The following DCDC1 variants were observed in gnomAD, a reference collection of about 807,000 sequenced individuals.
DCDC1 encodes the protein doublecortin domain-containing protein 1.
Under a neutral mutation model 178.3 loss-of-function variants are expected in DCDC1, and 200 were observed. That is an observed-to-expected ratio of 1.12 (90% CI 1.00 to 1.26). The LOEUF (loss-of-function observed/expected upper bound fraction) is 1.26. Ranked by LOEUF, DCDC1 falls within the 50% of genes most tolerant of loss-of-function variation. DCDC1 has a pLI of 0.00. For synonymous variants in DCDC1, 690 were observed against 604.8 expected, an observed-to-expected ratio of 1.14 and a Z score of -2.07; for missense variants, 1,983 against 1,749.2, an observed-to-expected ratio of 1.13 and a Z score of -2.38.
At chr11:31,251,007 C>G (rs1373533479) in intron 8 of DCDC1, among the ~76,000 whole-genome samples, 1 of 152,138 alleles carries the variant, frequency 6.6e-6, no homozygotes, top group Non-Finnish European at 1.5e-5. Flanking sequence ...TCCACCTCAG[C>G]CTCCCAAAGT....
chr11:31,362,331 G>A (rs1951749637), intron 1 of DCDC1, among the ~76,000 whole-genome samples: 1 of 151,970 alleles, frequency 6.6e-6, no homozygotes, highest in African/African-American at 2.4e-5. Context: ...TTGCAGACTA[G>A]GATTTATACT....
At chr11:30,892,725 A>C in intron 36 of DCDC1, 93 bp downstream of exon 36, 1 of 1,446,592 alleles carries the variant, frequency 6.9e-7, no homozygotes. Flanking sequence ...AATGAGGTTC[A>C]TAGAAGTAAT....
intron 10 of DCDC1, 43 bp from the exon 11 acceptor site, chr11:31,127,682 G>A: frequency 1.4e-6 from 1 of 691,118 alleles, no homozygotes; most frequent in Non-Finnish European, 2.6e-6. Context: ...AGAAGTAATT[G>A]TTGATGTCAC....
chr11:31,211,043 T>A (rs2136527505), intron 9 of DCDC1, among the ~76,000 whole-genome samples: 1 of 152,298 alleles, frequency 6.6e-6, no homozygotes, highest in East Asian at 1.9e-4. Context: ...ACTTGGTTGA[T>A]CTCTGGACTA....
intron 1 of DCDC1, among the ~76,000 whole-genome samples, chr11:31,360,517 A>G (rs1338112991): frequency 6.6e-6 from 1 of 152,232 alleles, no homozygotes; most frequent in Non-Finnish European, 1.5e-5. Flanking sequence ...AGCCACAGTA[A>G]GAGATTAACA....
chr11:30,913,029 T>C (rs1053137642), intron 27 of DCDC1, among the ~76,000 whole-genome samples: 1 of 152,164 alleles, frequency 6.6e-6, no homozygotes, highest in Non-Finnish European at 1.5e-5. Flanking sequence ...AGGGAAGATG[T>C]GCAATAAACC....
At chr11:31,324,925 T>C (rs1214426887) in intron 3 of DCDC1, among the ~76,000 whole-genome samples, 1 of 152,156 alleles carries the variant, frequency 6.6e-6, no homozygotes, top group Non-Finnish European at 1.5e-5. Flanking sequence ...GTATTTACTT[T>C]TTAAAAACTG....
At chr11:30,874,775 G>A (rs1342902591) in intron 38 of DCDC1, among the ~76,000 whole-genome samples, 1 of 152,104 alleles carries the variant, frequency 6.6e-6, no homozygotes, top group East Asian at 1.9e-4. Flanking sequence ...ATGTGCACCT[G>A]AGCTAAAACC....
chr11:31,341,970 G>A (rs781202650), intron 1 of DCDC1, among the ~76,000 whole-genome samples: 6 of 152,102 alleles, frequency 3.9e-5, no homozygotes, highest in Non-Finnish European at 8.8e-5. Context: ...GACCAATAGC[G>A]CCTGTCAGGT....
At chr11:31,256,463 T>C (rs1944422637) in intron 8 of DCDC1, among the ~76,000 whole-genome samples, 1 of 152,178 alleles carries the variant, frequency 6.6e-6, no homozygotes. Flanking sequence ...GAAAGTGCTA[T>C]ACTTATGGGG....
chr11:31,069,685 C>T (rs566302), intron 18 of DCDC1, among the ~76,000 whole-genome samples: 74,271 of 151,942 alleles, frequency 0.49, 18,439 homozygotes, highest in African/African-American at 0.57. Flanking sequence ...ATTCTGGCAA[C>T]TGTAAATCCC....
intron 1 of DCDC1, among the ~76,000 whole-genome samples, chr11:31,341,891 C>G (rs1385334185): frequency 1.3e-5 from 2 of 151,660 alleles, no homozygotes; most frequent in Non-Finnish European, 2.9e-5. Context: ...AATATACCCT[C>G]TTTCAAAGAC....
intron 20 of DCDC1, among the ~76,000 whole-genome samples, chr11:31,028,176 A>G (rs1044845163): frequency 3.3e-5 from 5 of 151,946 alleles, no homozygotes; most frequent in Non-Finnish European, 5.9e-5. Context: ...TGTTAAAATA[A>G]CTTTTAATTC....
chr11:31,176,284 A>G (rs1452284841), intron 9 of DCDC1, among the ~76,000 whole-genome samples: 9 of 152,198 alleles, frequency 5.9e-5, no homozygotes, highest in Admixed American at 5.9e-4. Flanking sequence ...TTTCAATAGC[A>G]GGCTAGAGCA....
intron 20 of DCDC1, among the ~76,000 whole-genome samples, chr11:31,058,921 T>C (rs1955755351): frequency 6.6e-6 from 1 of 152,122 alleles, no homozygotes; most frequent in African/African-American, 2.4e-5. Flanking sequence ...AATCATTACC[T>C]ACTATTTTCA....
intron 34 of DCDC1, among the ~76,000 whole-genome samples, chr11:30,895,274 C>T (rs576827948): frequency 3.9e-5 from 6 of 152,080 alleles, no homozygotes; most frequent in South Asian, 2.1e-4. Flanking sequence ...CAAGTTTGGT[C>T]GGGAAGGCAG....
intron 17 of DCDC1, among the ~76,000 whole-genome samples, chr11:31,088,982 G>A (rs1957638774): frequency 1.3e-5 from 2 of 152,120 alleles, no homozygotes; most frequent in African/African-American, 4.8e-5. Context: ...TTACGGGCAT[G>A]AGCCACCATG....
chr11:31,290,765 A>G lies in DCDC1; in HGVS notation c.842T>C (p.Val281Ala). The change falls in exon 7 of 39, where the codon GTT becomes GCT. Residue 281 changes from valine to alanine, a missense_variant. Val to Ala is a moderately conservative substitution (Grantham distance 64). Coordinates refer to ENST00000684477, the MANE Select transcript of DCDC1 (RefSeq NM_001387274.1). ...AAGTTTCTTCATTCTAATAGAAAGAACAGGCTTGGTTTTCCGTCTTTTGAT... is the reference window on the plus strand; with the variant it reads ...AAGTTTCTTCATTCTAATAGAAAGAGCAGGCTTGGTTTTCCGTCTTTTGAT... ...TDIKRRKTKP[V>A]LSIRMKKLTE... is the part of the protein sequence containing the mutation. The G allele has an allele frequency of 1.9e-6, 3 of 1,613,520 alleles. No individual in the cohort carries two copies. The South Asian group carries it at 3.3e-5, about 18-fold the overall frequency.
At chr11:31,349,756 C>T (rs1950982378) in intron 1 of DCDC1, among the ~76,000 whole-genome samples, 2 of 151,974 alleles carry the variant, frequency 1.3e-5, no homozygotes, top group Admixed American at 6.6e-5. Flanking sequence ...CCCCAGCTAC[C>T]TTGGGAGGCT....
Sources: allele counts gnomAD v4.1 joint callset (sites outside exome capture counted in the v4.1 genomes callset), GRCh38; gene constraint gnomAD v4.1.1; transcripts MANE v1.5; gene names NCBI Gene and HGNC (gene_info 2026-07-23, HGNC 2026-07-21).